Variants in CHCHD6 observed in about 807,000 individuals in gnomAD.
The protein encoded by CHCHD6 is coiled-coil-helix-coiled-coil-helix domain containing 6, also known as MICOS complex subunit MIC25.
A neutral mutation model predicts 32.3 loss-of-function variants in CHCHD6; 28 were observed. The ratio of observed to expected loss-of-function variants is 0.87; its 90% CI spans 0.64 to 1.19. The LOEUF is 1.19. CHCHD6 is among the 50% of genes most tolerant of loss of function. CHCHD6 has a pLI of 0.00. For missense variants in CHCHD6, 333 were observed against 307.0 expected, an observed-to-expected ratio of 1.08 and a Z score of -0.63; for synonymous variants, 122 against 117.5, an observed-to-expected ratio of 1.04 and a Z score of -0.25.
intron 6 of CHCHD6, among the ~76,000 whole-genome samples, chr3:126,951,167 G>A (rs115619835): frequency 0.012 from 1,798 of 152,228 alleles, 20 homozygotes; most frequent in Middle Eastern, 0.048. Context: ...GGCTCTTCCC[G>A]CTTTGCATCT....
intron 4 of CHCHD6, among the ~76,000 whole-genome samples, chr3:126,828,109 A>G (rs1029038035): frequency 6.6e-6 from 1 of 152,006 alleles, no homozygotes; most frequent in African/African-American, 2.4e-5. Context: ...CCTTCCCACC[A>G]TGACGATTGG....
At chr3:126,773,193 T>C (rs1576398274) in intron 4 of CHCHD6, among the ~76,000 whole-genome samples, 1 of 152,208 alleles carries the variant, frequency 6.6e-6, no homozygotes, top group Admixed American at 6.5e-5. Context: ...GATGATTATA[T>C]GTCTTGGGGA....
At chr3:126,743,764 C>T (rs1004976155) in intron 4 of CHCHD6, among the ~76,000 whole-genome samples, 2 of 152,176 alleles carry the variant, frequency 1.3e-5, no homozygotes, top group Non-Finnish European at 1.5e-5. Context: ...GGCATTGGAG[C>T]AGCAGGTGAC....
Position 126,733,238 on chromosome 3 carries a change from C to T in CHCHD6, c.411+16C>T, listed in dbSNP as rs1195602356. Reference sequence around the variant, plus strand: ...AGTCCGGCTGGTGAGTGCAGATTTTCCCTGATCTGGCCTTCTGAGCTGGGC... The same window carrying T: ...AGTCCGGCTGGTGAGTGCAGATTTTTCCTGATCTGGCCTTCTGAGCTGGGC... On this transcript the variant is annotated intron_variant, in intron 4 of 7. Coordinates refer to ENST00000290913, the MANE Select transcript of CHCHD6 (RefSeq NM_032343.3). The T allele has an allele frequency of 1.2e-6, 2 of 1,610,136 alleles. No individual in the cohort carries two copies. The highest frequency in any genetic ancestry group is 8.5e-7 in the Non-Finnish European group (1 of 1,178,168).
At chr3:126,824,360 G>A (rs1213691609) in intron 4 of CHCHD6, among the ~76,000 whole-genome samples, 1 of 151,150 alleles carries the variant, frequency 6.6e-6, no homozygotes, top group Non-Finnish European at 1.5e-5. Flanking sequence ...TCGGGAGTTC[G>A]AGACCAGCCT....
At chr3:126,806,337 A>T (rs542494504) in intron 4 of CHCHD6, among the ~76,000 whole-genome samples, 32 of 152,272 alleles carry the variant, frequency 2.1e-4, no homozygotes, top group African/African-American at 2.9e-4. Context: ...TCTACAATGA[A>T]CTCAAACAAA....
At chr3:126,857,376 C>T (rs1280929406) in intron 5 of CHCHD6, among the ~76,000 whole-genome samples, 1 of 152,204 alleles carries the variant, frequency 6.6e-6, no homozygotes, top group African/African-American at 2.4e-5. Flanking sequence ...TCTTCCTGGA[C>T]TTTGTCTCCT....
intron 4 of CHCHD6, among the ~76,000 whole-genome samples, chr3:126,819,389 A>G (rs1576455060): frequency 6.6e-6 from 1 of 152,218 alleles, no homozygotes; most frequent in East Asian, 1.9e-4. Context: ...TGGATGCTGT[A>G]TGAAGGTAAC....
intron 4 of CHCHD6, among the ~76,000 whole-genome samples, chr3:126,736,232 T>C (rs1415571517): frequency 2.0e-5 from 3 of 152,312 alleles, no homozygotes; most frequent in Middle Eastern, 3.4e-3. Context: ...CATGGAAAGG[T>C]TGAAGGAGGT....
intron 4 of CHCHD6, among the ~76,000 whole-genome samples, chr3:126,746,724 A>G (rs183365272): frequency 6.6e-6 from 1 of 152,288 alleles, no homozygotes; most frequent in African/African-American, 2.4e-5. Flanking sequence ...TCGATAGCCT[A>G]TTGTGTGCTT....
At chr3:126,889,016 G>T (rs1364155148) in intron 5 of CHCHD6, among the ~76,000 whole-genome samples, 1 of 152,202 alleles carries the variant, frequency 6.6e-6, no homozygotes, top group Non-Finnish European at 1.5e-5. Flanking sequence ...TCCCTCGTGT[G>T]GTGCTAGGAG....
At chr3:126,933,395 A>G (rs1400231115) in intron 6 of CHCHD6, among the ~76,000 whole-genome samples, 1 of 152,112 alleles carries the variant, frequency 6.6e-6, no homozygotes, top group Non-Finnish European at 1.5e-5. Flanking sequence ...ATCCATTTGC[A>G]TTGCTGTAAA....
intron 6 of CHCHD6, among the ~76,000 whole-genome samples, chr3:126,940,796 C>T (rs1245208954): frequency 6.6e-6 from 1 of 152,186 alleles, no homozygotes; most frequent in Non-Finnish European, 1.5e-5. Flanking sequence ...CTCCTCATTT[C>T]TTCAAGTATT....
At chr3:126,840,290 A>G (rs1941020843) in intron 4 of CHCHD6, among the ~76,000 whole-genome samples, 1 of 152,156 alleles carries the variant, frequency 6.6e-6, no homozygotes, top group Non-Finnish European at 1.5e-5. Flanking sequence ...AGGGGTGACG[A>G]AAATGTTCTA....
intron 6 of CHCHD6, among the ~76,000 whole-genome samples, chr3:126,941,341 C>G (rs1484057821): frequency 6.6e-6 from 1 of 152,180 alleles, no homozygotes; most frequent in Non-Finnish European, 1.5e-5. Flanking sequence ...GAGTCTATTT[C>G]TAGACTCTTT....
At chr3:126,872,821 C>G (rs2077493536) in intron 5 of CHCHD6, among the ~76,000 whole-genome samples, 1 of 152,252 alleles carries the variant, frequency 6.6e-6, no homozygotes, top group Non-Finnish European at 1.5e-5. Flanking sequence ...TGCCCTGCTG[C>G]TCCTTCCCTG....
chr3:126,825,795 C>G (rs537782377), intron 4 of CHCHD6, among the ~76,000 whole-genome samples: 1 of 152,276 alleles, frequency 6.6e-6, no homozygotes, highest in South Asian at 2.1e-4. Flanking sequence ...AGGTGTATCT[C>G]TTGCAGATAG....
chr3:126,838,892 CTT>C (rs1217788517), intron 4 of CHCHD6, among the ~76,000 whole-genome samples: 28 of 139,484 alleles, frequency 2.0e-4, no homozygotes, highest in Non-Finnish European at 2.2e-4. Context: ...TTCTTTTTTC[CTT>C]TTTTTTTTTT....
chr3:126,791,318 C>G (rs1051543097), intron 4 of CHCHD6, among the ~76,000 whole-genome samples: 1 of 152,232 alleles, frequency 6.6e-6, no homozygotes, highest in African/African-American at 2.4e-5. Flanking sequence ...TCTCAGACTC[C>G]GTGCTGGGAG....
Sources: gnomAD v4.1 joint callset for allele counts (sites outside exome capture counted in the v4.1 genomes callset) on GRCh38, gnomAD v4.1.1 for gene constraint, MANE v1.5 for transcripts, NCBI Gene and HGNC (gene_info 2026-07-23, HGNC 2026-07-21) for gene names.